POTEE: variants seen among roughly 807,000 people sequenced by gnomAD.
The protein encoded by POTEE is POTE ankyrin domain family member E.
A neutral mutation model predicts 74.2 loss-of-function variants in POTEE; 21 were observed. The observed-to-expected ratio is 0.28, with a 90% confidence interval of 0.20 to 0.41. POTEE has a LOEUF of 0.41. POTEE is among the 10% of genes least tolerant of loss of function. POTEE has a pLI of 1.00. For missense variants in POTEE, 525 were observed against 1,158.6 expected (o/e 0.45, Z 7.94); for synonymous variants, 211 against 432.8 (o/e 0.49, Z 6.36).
chr2:131,229,931 C>T (rs1352301002), intron 8 of POTEE, among the ~76,000 whole-genome samples: 6 of 151,982 alleles, frequency 3.9e-5, no homozygotes, highest in African/African-American at 4.8e-5. Flanking sequence ...TGTCAGCTTG[C>T]TACTTCTCTG....
chr2:131,263,858 C>T lies in POTEE; in HGVS notation c.2403C>T (p.His801=). The part of the protein sequence containing the change: ...YNELRVAPEE[H]PILLTEAPLN... ...AGCTGCGTGTGGCTCCCGAGGAGCA[C>T]CCCATCCTGCTGACCGAGGCCCCCC... The change falls in exon 18 of 18, where the codon CAC becomes CAT. Residue 801 remains histidine (H), a synonymous_variant. Transcript: ENST00000683005. 1 of 1,614,166 alleles carries T rather than the reference C, an allele frequency of 6.2e-7. No individual in the cohort carries two copies. Among genetic ancestry groups the T allele is most frequent in the Non-Finnish European group, 8.5e-7 (1 of 1,180,022 alleles).
At chr2:131,211,572 A>G (rs1465834474) in intron 2 of POTEE, among the ~76,000 whole-genome samples, 2 of 13,146 alleles carry the variant, frequency 1.5e-4, no homozygotes, top group Non-Finnish European at 4.9e-4. Context: ...TTTTTTTTTG[A>G]GACAGAGTCT....
At chr2:131,221,622 C>G (rs532649601) in intron 4 of POTEE, among the ~76,000 whole-genome samples, 1 of 152,304 alleles carries the variant, frequency 6.6e-6, no homozygotes, top group South Asian at 2.1e-4. Context: ...GGTTGGCTAT[C>G]TTCTGTGAAC....
chr2:131,210,559 G>A (rs552126309), intron 1 of POTEE, among the ~76,000 whole-genome samples: 6 of 152,038 alleles, frequency 3.9e-5, no homozygotes, highest in Admixed American at 1.3e-4. Context: ...GTTCCTGCTC[G>A]TGCAATCTTG....
At position 131,264,001 on chromosome 2, in the gene POTEE, C is replaced by T; in HGVS notation, c.2546C>T (p.Thr849Ile). 1.9e-6 allele frequency: 3 copies of T among 1,614,248 alleles called. No homozygotes were observed. Among genetic ancestry groups the T allele is most frequent in the Non-Finnish European group, 2.5e-6 (3 of 1,180,048 alleles). The change falls in exon 18 of 18, where the codon ACT becomes ATT. Residue 849 changes from threonine to isoleucine, a missense_variant. Physicochemically the swap from Thr to Ile is moderately conservative, Grantham distance 89. Transcript: ENST00000683005. ...VPSLYTSGRT[T>I]GIVMDSGDGV... Reference sequence around the variant, plus strand: ...TCCCTGTACACCTCTGGCCGTACTACTGGCATCGTGATGGACTCTGGTGAC... The same window carrying T: ...TCCCTGTACACCTCTGGCCGTACTATTGGCATCGTGATGGACTCTGGTGAC...
chr2:131,210,180 G>T (rs1268866625), intron 1 of POTEE, among the ~76,000 whole-genome samples: 1 of 136,956 alleles, frequency 7.3e-6, no homozygotes, highest in East Asian at 2.2e-4. Context: ...GTCGGGTGCT[G>T]CACTGCCCTT....
rs1269349340 is a variant in POTEE at position 131,218,703 on chromosome 2, T to C, written c.301T>C (p.Trp101Arg). 7.4e-7 allele frequency: 1 copy of C among 1,359,898 alleles called. No individual in the cohort carries two copies. The highest frequency in any genetic ancestry group is 9.9e-7 in the Non-Finnish European group (1 of 1,006,644). The allele number at this position is 1,359,898 out of a possible 1,614,324, so 84.2% of individuals were successfully genotyped here. Residue 101 changes from tryptophan to arginine, a missense_variant, in exon 4 of 18, where the codon TGG becomes CGG. Coordinates refer to ENST00000683005, the MANE Select transcript of POTEE (RefSeq NM_001083538.3). Reference protein sequence around the residue: ...MKTLRNKMGKWCCHCFPCCRG... With the variant: ...MKTLRNKMGKRCCHCFPCCRG... ...GACACTCAGGAACAAGATGGGGAAG[T>C]GGTGCTGCCACTGCTTCCCCTGCTG...
At chr2:131,211,360 A>G (rs1700353822) in intron 2 of POTEE, among the ~76,000 whole-genome samples, 177 bp downstream of exon 2, 1 of 150,904 alleles carries the variant, frequency 6.6e-6, no homozygotes, top group African/African-American at 2.4e-5. Flanking sequence ...GGTGGGGAGG[A>G]ACCTGCTGGT....
chr2:131,218,536 C>T lies in POTEE; in HGVS notation c.134C>T (p.Thr45Ile). ...GAGAGCGGCAAGAGCAACGTGGGCA[C>T]TTCTGGAGACCACGACGACTCTGCT... ...YRESGKSNVG[T>I]SGDHDDSAMK... is the part of the protein sequence containing the mutation. Residue 45 changes from threonine (T) to isoleucine (I), a missense_variant, in exon 4 of 18, where the codon ACT becomes ATT. Thr to Ile is a moderately conservative substitution (Grantham distance 89). Transcript: ENST00000683005. 6.2e-7 allele frequency: 1 copy of T among 1,612,616 alleles called. No homozygotes were observed. Among genetic ancestry groups the T allele is most frequent in the Non-Finnish European group, 8.5e-7 (1 of 1,179,808 alleles).
chr2:131,211,704 C>G (rs927133465), intron 2 of POTEE, among the ~76,000 whole-genome samples: 3 of 151,338 alleles, frequency 2.0e-5, no homozygotes, highest in Non-Finnish European at 4.4e-5. Context: ...AGGCGCCTGC[C>G]ACCACGCCCA....
chr2:131,218,730 A>C lies in POTEE; in HGVS notation c.328A>C (p.Arg110=). ...KWCCHCFPCC[R]GSGKSKVGAW... is the part of the protein sequence containing the mutation. ...GTGCTGCCACTGCTTCCCCTGCTGC[A>C]GGGGGAGCGGCAAGAGCAAGGTGGG... The change falls in exon 4 of 18, where the codon AGG becomes CGG. Residue 110 remains arginine, a synonymous_variant. Coordinates refer to ENST00000683005, the MANE Select transcript of POTEE (RefSeq NM_001083538.3). 1 of 1,578,410 alleles carries C rather than the reference A, an allele frequency of 6.3e-7. No individual in the cohort carries two copies. The highest frequency in any genetic ancestry group is 8.6e-7 in the Non-Finnish European group (1 of 1,156,226).
At chr2:131,222,582 G>A (rs1023512865) in intron 4 of POTEE, among the ~76,000 whole-genome samples, 27 of 151,914 alleles carry the variant, frequency 1.8e-4, no homozygotes, top group Admixed American at 3.3e-4. Context: ...GTTGAAAAAA[G>A]CTCCACAAAT....
At chr2:131,258,340 ACATCATCTTAAC>A (rs1416132157) in intron 16 of POTEE, among the ~76,000 whole-genome samples, 1 of 90,556 alleles carries the variant, frequency 1.1e-5, no homozygotes, top group Admixed American at 1.1e-4. Context: ...TTTTTTTGAT[ACATCATCTTAAC>A]CAGAAGTGTT....
At chr2:131,221,464 T>G (rs1700614606) in intron 4 of POTEE, among the ~76,000 whole-genome samples, 3 of 152,172 alleles carry the variant, frequency 2.0e-5, no homozygotes, top group African/African-American at 7.2e-5. Context: ...AGTTTTTCCC[T>G]TTCTCTTATC....
Position 131,231,786 on chromosome 2 carries a change from AACGTTTC to A in POTEE, c.1126+883_1126+889del, listed in dbSNP as rs1288106119. On this transcript the variant is annotated intron_variant, in intron 9 of 17. Transcript: ENST00000683005. ...CAGCAGATTATAATAAAAGCAGAAA[AACGTTTC>A]ACACTAACAAAAACGCTAGTATGCT... Among the ~76,000 whole-genome samples, 936 of 152,236 alleles carry A rather than the reference AACGTTTC, an allele frequency of 6.1e-3. 9 individuals carry two copies. The highest frequency in any genetic ancestry group is 0.022 in the African/African-American group (907 of 41,510).
At chr2:131,237,026 CAT>C in intron 10 of POTEE, among the ~76,000 whole-genome samples, 1 of 148,872 alleles carries the variant, frequency 6.7e-6, no homozygotes, top group Admixed American at 6.7e-5. Flanking sequence ...ACTTAAAAAA[CAT>C]AACCACTATA....
intron 2 of POTEE, among the ~76,000 whole-genome samples, chr2:131,216,294 G>A (rs1169078267): frequency 6.6e-6 from 1 of 152,146 alleles, no homozygotes; most frequent in Non-Finnish European, 1.5e-5. Flanking sequence ...TGCAACCGCT[G>A]TCAAATTCCA....
chr2:131,214,532 T>C (rs1700413963), intron 2 of POTEE, among the ~76,000 whole-genome samples: 1 of 152,232 alleles, frequency 6.6e-6, no homozygotes, highest in African/African-American at 2.4e-5. Flanking sequence ...GCTAGATCTT[T>C]TCTTGTCTAG....
Position 131,263,849 on chromosome 2 carries a change from C to G in POTEE, c.2394C>G (p.Pro798=), listed in dbSNP as rs200048058. 8.7e-6 allele frequency: 14 copies of G among 1,612,808 alleles called. No individual in the cohort carries two copies. The South Asian group carries it at 1.2e-4, about 14-fold the overall frequency. The change falls in exon 18 of 18, where the codon CCC becomes CCG. Residue 798 remains proline (P), a synonymous_variant. Coordinates refer to ENST00000683005, the MANE Select transcript of POTEE (RefSeq NM_001083538.3). The part of the protein sequence containing the change: ...HTFYNELRVA[P]EEHPILLTEA... The stretch of plus-strand genomic sequence containing the variant: ...TCTACAACGAGCTGCGTGTGGCTCC[C>G]GAGGAGCACCCCATCCTGCTGACCG...
Sources: allele counts gnomAD v4.1 joint callset (sites outside exome capture counted in the v4.1 genomes callset), GRCh38; gene constraint gnomAD v4.1.1; transcripts MANE v1.5; gene names NCBI Gene and HGNC (gene_info 2026-07-23, HGNC 2026-07-21).